LAMA1: variants seen among roughly 807,000 people sequenced by gnomAD.
The protein encoded by LAMA1 is laminin subunit alpha 1, also known as laminin subunit alpha-1.
In LAMA1, 219 loss-of-function variants were observed where a neutral mutation model predicts 348.7. The observed-to-expected ratio is 0.63, with a 90% CI of 0.56 to 0.70. LAMA1 has a LOEUF of 0.70. LAMA1 is among the 30% of genes least tolerant of loss of function. The probability of loss-of-function intolerance (pLI) is 0.00; values close to 1 mark genes in which losing one functional copy is unlikely to be tolerated. For synonymous variants in LAMA1, 1,487 were observed against 1,491.0 expected (o/e 1.00, Z 0.06); for missense variants, 3,744 against 3,888.0 (o/e 0.96, Z 0.99).
At chr18:7,065,087 G>C (rs2058117149) in intron 3 of LAMA1, among the ~76,000 whole-genome samples, 1 of 151,968 alleles carries the variant, frequency 6.6e-6, no homozygotes, top group African/African-American at 2.4e-5. Flanking sequence ...CAAAAAATTA[G>C]CCAGGCATAG....
At chr18:6,958,025 C>T (rs2057588537) in intron 55 of LAMA1, among the ~76,000 whole-genome samples, 1 of 152,064 alleles carries the variant, frequency 6.6e-6, no homozygotes, top group South Asian at 2.1e-4. Context: ...CATGATCTGC[C>T]TGCCTTGGAC....
In LAMA1 at chr18:7,117,708, C is replaced by T. The variant is rs748782379; in HGVS notation, c.13G>A (p.Val5Met). 6.3e-7 allele frequency: 1 copy of T among 1,598,120 alleles called. No homozygotes were observed. The highest frequency in any genetic ancestry group is 8.5e-7 in the Non-Finnish European group (1 of 1,178,332). Residue 5 changes from valine (V) to methionine (M), a missense_variant, in exon 1 of 63, where the codon GTG becomes ATG. Transcript: ENST00000389658. MRGGVLLVLLLCVAA... is the reference protein window; with the variant it reads MRGGMLLVLLLCVAA... ...ACACACAGCAGCAAGACCAGGAGCACGCCCCCGCGCATCTCGCCTCCGCCG... is the reference window on the plus strand; with the variant it reads ...ACACACAGCAGCAAGACCAGGAGCATGCCCCCGCGCATCTCGCCTCCGCCG...
intron 1 of LAMA1, among the ~76,000 whole-genome samples, chr18:7,105,135 T>C (rs1045492841): frequency 6.6e-6 from 1 of 152,062 alleles, no homozygotes; most frequent in Non-Finnish European, 1.5e-5. Flanking sequence ...TAATGAATTA[T>C]CAATTATTAA....
chr18:6,981,705 A>G (rs142526971), intron 41 of LAMA1, among the ~76,000 whole-genome samples: 348 of 152,300 alleles, frequency 2.3e-3, no homozygotes, highest in African/African-American at 7.8e-3. Context: ...GTACATATCC[A>G]AGCCTTTAGT....
chr18:6,993,119 C>A (rs531160), intron 35 of LAMA1, among the ~76,000 whole-genome samples: 10,923 of 152,170 alleles, frequency 0.072, 564 homozygotes, highest in African/African-American at 0.14. Context: ...TAATAATTTC[C>A]TTACCTTTTG....
intron 27 of LAMA1, 49 bp downstream of exon 27, chr18:7,009,190 T>C (rs1466446064): frequency 6.2e-7 from 1 of 1,610,824 alleles, no homozygotes; most frequent in Non-Finnish European, 8.5e-7. Flanking sequence ...TCTTTCAGTT[T>C]GCTTTCAAAT....
intron 3 of LAMA1, among the ~76,000 whole-genome samples, chr18:7,062,738 A>AGT (rs1320649866): frequency 2.0e-5 from 3 of 152,180 alleles, no homozygotes. Context: ...CTGTAGGAAG[A>AGT]GTGCAGAGTT....
At chr18:7,024,211 G>A (rs1479496583) in intron 18 of LAMA1, among the ~76,000 whole-genome samples, 169 bp downstream of exon 18, 1 of 151,912 alleles carries the variant, frequency 6.6e-6, no homozygotes. Flanking sequence ...TCCCAGTAAG[G>A]TTTAACATTA....
intron 3 of LAMA1, among the ~76,000 whole-genome samples, chr18:7,072,701 G>A (rs982343287): frequency 3.3e-5 from 5 of 152,148 alleles, no homozygotes; most frequent in Non-Finnish European, 5.9e-5. Context: ...CCAGGATGTC[G>A]AGGGCTGCTC....
At chr18:7,067,801 C>T (rs1358999713) in intron 3 of LAMA1, among the ~76,000 whole-genome samples, 2 of 152,014 alleles carry the variant, frequency 1.3e-5, no homozygotes. Flanking sequence ...CTGCTCTTCC[C>T]TGCTGCTTCT....
chr18:6,984,133 G>C (rs192664236), intron 39 of LAMA1, among the ~76,000 whole-genome samples: 1 of 152,262 alleles, frequency 6.6e-6, no homozygotes, highest in Admixed American at 6.5e-5. Flanking sequence ...GAAGAGAGGA[G>C]CTGGTATCTA....
rs1273180790 is a variant in LAMA1, at chr18:6,976,039, G to T, written c.6387C>A (p.Ala2129=). The part of the protein sequence containing the change: ...AVSADRDCIR[A]YQPQISSTNY... ...TGGTAGAGGAAATCTGAGGCTGGTAGGCCCGGATGCAATCTCTGTCTGCAG... is the reference window on the plus strand; with the variant it reads ...TGGTAGAGGAAATCTGAGGCTGGTATGCCCGGATGCAATCTCTGTCTGCAG... Residue 2129 remains alanine (A), a synonymous_variant, in exon 45 of 63, where the codon GCC becomes GCA. Transcript: ENST00000389658. 1.2e-6 allele frequency: 2 copies of T among 1,614,066 alleles called. No homozygotes were observed. Among genetic ancestry groups the T allele is most frequent in the Non-Finnish European group, 1.7e-6 (2 of 1,180,040 alleles).
chr18:6,988,808 T>TAAAAAAAAAAAAA (rs1169877701), intron 36 of LAMA1, among the ~76,000 whole-genome samples: 5 of 100,458 alleles, frequency 5.0e-5, no homozygotes, highest in Non-Finnish European at 9.4e-5. Context: ...TCCGTCTCAA[T>TAAAAAAAAAAAAA]AAAAAAAAAA....
intron 1 of LAMA1, among the ~76,000 whole-genome samples, chr18:7,085,620 A>T (rs9949180): frequency 9.9e-5 from 15 of 151,736 alleles, no homozygotes; most frequent in South Asian, 2.1e-4. Flanking sequence ...GGGTTTCACC[A>T]CGTTAGCCAG....
chr18:7,095,390 G>C (rs2058257045), intron 1 of LAMA1, among the ~76,000 whole-genome samples: 1 of 152,030 alleles, frequency 6.6e-6, no homozygotes, highest in African/African-American at 2.4e-5. Context: ...TACTCAAATG[G>C]TCTATCCTCA....
At position 6,993,632 on chromosome 18, in the gene LAMA1, CCA is replaced by C. The variant is rs775224862; in HGVS notation, c.5008+7_5008+8del. 1.9e-6 allele frequency: 3 copies of C among 1,580,450 alleles called. No homozygotes were observed. The highest frequency in any genetic ancestry group is 1.7e-5 in the Admixed American group (1 of 59,922). ...ACAGATACTTCAAACTAGACACTGCCCACACTACCTGTGATGCTCATCTGCAG... is the reference window on the plus strand; with the variant it reads ...ACAGATACTTCAAACTAGACACTGCCCACTACCTGTGATGCTCATCTGCAG... On this transcript the variant is annotated splice_region_variant and intron_variant, in intron 35 of 62. Coordinates refer to ENST00000389658, the MANE Select transcript of LAMA1 (RefSeq NM_005559.4).
rs773337581 is a variant in LAMA1, at chr18:6,958,540, G to GT, written c.7900dup (p.Thr2634AsnfsTer33). 1 of 1,614,128 alleles carries GT rather than the reference G, an allele frequency of 6.2e-7. No homozygotes were observed. Among genetic ancestry groups the GT allele is most frequent in the South Asian group, 1.1e-5 (1 of 91,082 alleles). On this transcript the variant is annotated frameshift_variant, in exon 55 of 63. Coordinates refer to ENST00000389658, the MANE Select transcript of LAMA1 (RefSeq NM_005559.4). LOFTEE classifies it high-confidence loss of function. ...CGATCTTCTCATTGTGAGCAGTGAC[G>GT]TCCCCTCTCCCTCTGGAATTCCCCC...
At chr18:7,085,501 C>G (rs1301996006) in intron 1 of LAMA1, among the ~76,000 whole-genome samples, 2 of 147,696 alleles carry the variant, frequency 1.4e-5, no homozygotes, top group Non-Finnish European at 3.0e-5. Context: ...TCACTGCAAG[C>G]TCCACCTCCC....
intron 3 of LAMA1, among the ~76,000 whole-genome samples, chr18:7,069,075 AG>A (rs1226693192): frequency 6.6e-6 from 1 of 152,230 alleles, no homozygotes; most frequent in African/African-American, 2.4e-5. Flanking sequence ...CCTGCTGGGT[AG>A]AAACACTGAA....
Sources: gnomAD v4.1 joint callset for allele counts (sites outside exome capture counted in the v4.1 genomes callset) on GRCh38, gnomAD v4.1.1 for gene constraint, MANE v1.5 for transcripts, NCBI Gene and HGNC (gene_info 2026-07-23, HGNC 2026-07-21) for gene names.